The following CNTNAP4 variants were observed in gnomAD, a reference collection of about 807,000 sequenced individuals.
CNTNAP4 encodes the protein contactin associated protein family member 4, also known as contactin-associated protein-like 4.
Under a neutral mutation model 148.4 loss-of-function variants are expected in CNTNAP4, and 98 were observed. The observed-to-expected ratio is 0.66, with a 90% CI of 0.56 to 0.78. The LOEUF is 0.78. Among genes scored for constraint, CNTNAP4 ranks in the 30% least tolerant of loss-of-function variants. CNTNAP4 has a pLI of 0.00. For synonymous variants in CNTNAP4, 730 were observed against 565.1 expected, an observed-to-expected ratio of 1.29 and a Z score of -4.14; for missense variants, 1,935 against 1,565.6, an observed-to-expected ratio of 1.24 and a Z score of -3.98.
intron 3 of CNTNAP4, among the ~76,000 whole-genome samples, chr16:76,422,540 A>G (rs1364164409): frequency 1.3e-5 from 2 of 152,192 alleles, no homozygotes; most frequent in East Asian, 1.9e-4. Flanking sequence ...AAAGCTTCAG[A>G]TAAAATATTA....
intron 3 of CNTNAP4, among the ~76,000 whole-genome samples, chr16:76,368,725 G>T (rs924803211): frequency 1.3e-5 from 2 of 152,150 alleles, no homozygotes; most frequent in African/African-American, 4.8e-5. Flanking sequence ...TAATGTAGAT[G>T]ATGGGTTGAT....
At chr16:76,531,068 C>T (rs1163588579) in intron 17 of CNTNAP4, among the ~76,000 whole-genome samples, 1 of 152,114 alleles carries the variant, frequency 6.6e-6, no homozygotes, top group Non-Finnish European at 1.5e-5. Flanking sequence ...TGTACTGTGC[C>T]AGGCAAATCT....
intron 11 of CNTNAP4, among the ~76,000 whole-genome samples, chr16:76,479,089 T>A (rs2081704858): frequency 1.3e-5 from 2 of 152,114 alleles, no homozygotes; most frequent in Admixed American, 1.3e-4. Context: ...GACATTATAC[T>A]TATAAGGCTC....
chr16:76,299,493 C>T (rs530869853), intron 1 of CNTNAP4, among the ~76,000 whole-genome samples: 1 of 152,080 alleles, frequency 6.6e-6, no homozygotes. Flanking sequence ...AGTCAGGAAA[C>T]AACAGGTGCT....
intron 10 of CNTNAP4, among the ~76,000 whole-genome samples, chr16:76,471,730 C>T (rs142208593): frequency 1.3e-3 from 199 of 152,226 alleles, no homozygotes; most frequent in African/African-American, 4.6e-3. Flanking sequence ...ATTTGAAGAT[C>T]GTGGTGTTAT....
At chr16:76,306,640 G>A (rs1213731318) in intron 1 of CNTNAP4, among the ~76,000 whole-genome samples, 2 of 152,186 alleles carry the variant, frequency 1.3e-5, no homozygotes, top group East Asian at 1.9e-4. Context: ...TGCTTGATAC[G>A]AAGATTTTGT....
Position 76,385,556 on chromosome 16 carries a change from G to A in CNTNAP4, c.390+30045G>A, listed in dbSNP as rs576610533. ...TAACACTTTAATTAGAAGTGTGTGT[G>A]TGTGTGTGTGTGTGTGTGTGTAGAG... On this transcript the variant is annotated intron_variant, in intron 3 of 23. Transcript: ENST00000611870. 1.5e-3 allele frequency among the ~76,000 whole-genome samples: 221 copies of A among 146,616 alleles called. 1 individual carries two copies. The highest frequency in any genetic ancestry group is 0.012 in the South Asian group (58 of 4,772).
rs532111590 is a variant in CNTNAP4, at chr16:76,400,108, C to G, written c.391-27344C>G. Among the ~76,000 whole-genome samples, 4 of 152,272 alleles carry G rather than the reference C, an allele frequency of 2.6e-5. No individual in the cohort carries two copies. The South Asian group carries it at 6.2e-4, about 24-fold the overall frequency. On this transcript the variant is annotated intron_variant, in intron 3 of 23. Transcript: ENST00000611870. ...CAGCCCCATAGAGAGTAAACACTTT[C>G]AAGCAGCCTTGTGATCTGGACCGTC...
intron 17 of CNTNAP4, among the ~76,000 whole-genome samples, chr16:76,534,912 T>C (rs543309342): frequency 6.6e-6 from 1 of 152,350 alleles, no homozygotes; most frequent in Admixed American, 6.5e-5. Flanking sequence ...ACATCACTTA[T>C]TTCTGTATCG....
At chr16:76,538,886 T>C (rs2084331790) in intron 19 of CNTNAP4, among the ~76,000 whole-genome samples, 2 of 152,006 alleles carry the variant, frequency 1.3e-5, no homozygotes, top group Admixed American at 1.3e-4. Context: ...CAGAAAACCA[T>C]TTACTGCTAT....
intron 15 of CNTNAP4, among the ~76,000 whole-genome samples, chr16:76,503,274 A>C (rs1231525945): frequency 1.3e-5 from 2 of 152,136 alleles, no homozygotes; most frequent in African/African-American, 4.8e-5. Context: ...TAATAAGTCA[A>C]GGAGAGGAAT....
chr16:76,531,516 C>T (rs1286957424), intron 17 of CNTNAP4, among the ~76,000 whole-genome samples: 1 of 151,972 alleles, frequency 6.6e-6, no homozygotes, highest in South Asian at 2.1e-4. Flanking sequence ...TGTGAAGTCC[C>T]GAAATTCATT....
chr16:76,300,189 C>T (rs1469266217), intron 1 of CNTNAP4, among the ~76,000 whole-genome samples: 5 of 152,040 alleles, frequency 3.3e-5, no homozygotes, highest in African/African-American at 4.8e-5. Context: ...CAGGTGACAT[C>T]TGGAATATCA....
At chr16:76,321,211 T>C (rs1006041213) in intron 2 of CNTNAP4, among the ~76,000 whole-genome samples, 1 of 152,232 alleles carries the variant, frequency 6.6e-6, no homozygotes, top group Non-Finnish European at 1.5e-5. Flanking sequence ...CAAGCACTTA[T>C]CTGTAGAGGA....
chr16:76,532,680 G>C (rs60601235), intron 17 of CNTNAP4, among the ~76,000 whole-genome samples: 6,936 of 152,172 alleles, frequency 0.046, 202 homozygotes, highest in South Asian at 0.11. Context: ...ACAGAATGTG[G>C]CCCCCCTGCA....
rs540573291 is a variant in CNTNAP4, at chr16:76,380,142, A to C, written c.390+24631A>C. On this transcript the variant is annotated intron_variant, in intron 3 of 23. Coordinates refer to ENST00000611870, the MANE Select transcript of CNTNAP4 (RefSeq NM_033401.5). ...TTCAATTATGCTGGAAAATGTGTTC[A>C]TAAAGGCCCTATGCATTTAGAATTA... Among the ~76,000 whole-genome samples the C allele has an allele frequency of 2.0e-5, 3 of 152,360 alleles. No homozygotes were observed. The South Asian group carries it at 6.2e-4, about 32-fold the overall frequency.
At chr16:76,521,627 T>TA (rs2144105037) in intron 16 of CNTNAP4, among the ~76,000 whole-genome samples, 1 of 152,330 alleles carries the variant, frequency 6.6e-6, no homozygotes, top group African/African-American at 2.4e-5. Flanking sequence ...GATATACTTC[T>TA]AAGCTGCTCT....
intron 1 of CNTNAP4, among the ~76,000 whole-genome samples, chr16:76,289,422 T>C (rs1320291951): frequency 1.3e-5 from 2 of 152,148 alleles, no homozygotes; most frequent in African/African-American, 4.8e-5. Flanking sequence ...TCATTCTCTA[T>C]TTTTTCTTTT....
intron 9 of CNTNAP4, among the ~76,000 whole-genome samples, chr16:76,463,393 T>C (rs1290243608): frequency 6.6e-6 from 1 of 152,212 alleles, no homozygotes; most frequent in African/African-American, 2.4e-5. Context: ...TCCTTCATGT[T>C]CAGGTTTAAC....
Sources: allele counts gnomAD v4.1 joint callset (sites outside exome capture counted in the v4.1 genomes callset), GRCh38; gene constraint gnomAD v4.1.1; transcripts MANE v1.5; gene names NCBI Gene and HGNC (gene_info 2026-07-23, HGNC 2026-07-21).